TRAK1: variants seen among roughly 807,000 people sequenced by gnomAD.
TRAK1 encodes the protein trafficking kinesin-binding protein 1.
In TRAK1, 33 loss-of-function variants were observed where a neutral mutation model predicts 92.1. That is an observed-to-expected ratio of 0.36 (90% confidence interval 0.27 to 0.48). The LOEUF (loss-of-function observed/expected upper bound fraction) is 0.48. Among genes scored for constraint, TRAK1 ranks in the 20% least tolerant of loss-of-function variants. The probability of loss-of-function intolerance (pLI) is 0.99; values close to 1 mark genes in which losing one functional copy is unlikely to be tolerated. For synonymous variants in TRAK1, 521 were observed against 517.3 expected, an observed-to-expected ratio of 1.01 and a Z score of -0.10; for missense variants, 1,123 against 1,257.9, an observed-to-expected ratio of 0.89 and a Z score of 1.62.
chr3:42,211,048 G>T (rs1162751163), intron 14 of TRAK1: 3 of 985,156 alleles, frequency 3.0e-6, no homozygotes, highest in Non-Finnish European at 3.6e-6. Context: ...TGTGGAGTCA[G>T]GGGGGAGACT....
intron 3 of TRAK1, among the ~76,000 whole-genome samples, chr3:42,180,439 C>T (rs940511512): frequency 2.0e-5 from 3 of 151,992 alleles, no homozygotes; most frequent in African/African-American, 7.2e-5. Flanking sequence ...TTGAGACCAG[C>T]CTGGGTAGCA....
At position 42,185,073 on chromosome 3, in the gene TRAK1, G is replaced by A. The variant is rs571131442; in HGVS notation, c.480+272G>A. ...GGGCGGGCATGGTCCTCACTCAGTCGTACATCTGTGTGCCATGTTGGGCCA... is the reference window on the plus strand; with the variant it reads ...GGGCGGGCATGGTCCTCACTCAGTCATACATCTGTGTGCCATGTTGGGCCA... On this transcript the variant is annotated intron_variant, in intron 4 of 15. Coordinates refer to ENST00000327628, the MANE Select transcript of TRAK1 (RefSeq NM_001042646.3). 8.9e-4 allele frequency: 377 copies of A among 424,610 alleles called. 1 individual carries two copies. The highest frequency in any genetic ancestry group is 1.2e-3 in the Non-Finnish European group (279 of 233,832). The allele number at this position is 424,610 out of a possible 1,614,324, so 26.3% of individuals were successfully genotyped here.
At chr3:42,043,260 C>G (rs144613467) in intron 1 of TRAK1, among the ~76,000 whole-genome samples, 4 of 151,924 alleles carry the variant, frequency 2.6e-5, no homozygotes, top group Non-Finnish European at 5.9e-5. Flanking sequence ...TCACATTGCC[C>G]GTTCCCGTTC....
Position 42,200,893 on chromosome 3 carries a change from C to T in TRAK1, c.1266C>T (p.Pro422=). ...AGCAGAGATCTCTGACCCCTTCTCC[C>T]ATGAACATCCCCGGCTCCAACCAGT... ...VVKQRSLTPS[P]MNIPGSNQSS... is the part of the protein sequence containing the mutation. Residue 422 remains proline (P), a synonymous_variant, in exon 12 of 16, where the codon CCC becomes CCT. Coordinates refer to ENST00000327628, the MANE Select transcript of TRAK1 (RefSeq NM_001042646.3). 1 of 1,614,204 alleles carries T rather than the reference C, an allele frequency of 6.2e-7. No homozygotes were observed. The highest frequency in any genetic ancestry group is 8.5e-7 in the Non-Finnish European group (1 of 1,180,046).
At chr3:42,207,797 A>G (rs1351310516) in intron 13 of TRAK1, among the ~76,000 whole-genome samples, 1 of 152,198 alleles carries the variant, frequency 6.6e-6, no homozygotes, top group Non-Finnish European at 1.5e-5. Flanking sequence ...AAGTGGGTCC[A>G]CAGCTTCCTT....
intron 2 of TRAK1, among the ~76,000 whole-genome samples, chr3:42,170,475 G>T (rs1300218224): frequency 1.3e-5 from 2 of 152,184 alleles, no homozygotes; most frequent in Non-Finnish European, 2.9e-5. Flanking sequence ...AGCTGCTGCT[G>T]CTATCAAAAG....
chr3:42,175,778 G>A (rs538702582), intron 2 of TRAK1, among the ~76,000 whole-genome samples: 6 of 152,242 alleles, frequency 3.9e-5, no homozygotes, highest in Admixed American at 6.5e-5. Context: ...CAAATGTGTC[G>A]CATGGGCTGT....
intron 1 of TRAK1, among the ~76,000 whole-genome samples, chr3:42,028,689 G>A (rs1304305929): frequency 6.6e-6 from 1 of 152,160 alleles, no homozygotes; most frequent in Non-Finnish European, 1.5e-5. Flanking sequence ...GGGGACCCTG[G>A]GGATAGTGGA....
chr3:42,181,955 C>T (rs990441795), intron 3 of TRAK1, among the ~76,000 whole-genome samples: 1 of 143,802 alleles, frequency 7.0e-6, no homozygotes, highest in African/African-American at 2.6e-5. Context: ...AAATAAGGTA[C>T]CTTTTTTTTT....
At chr3:42,034,339 T>TGGA (rs1702252268) in intron 1 of TRAK1, among the ~76,000 whole-genome samples, 1 of 152,200 alleles carries the variant, frequency 6.6e-6, no homozygotes, top group Non-Finnish European at 1.5e-5. Context: ...TCACCCAGGC[T>TGGA]GGAGTGCAGT....
rs369048725 is a variant in TRAK1 at position 42,163,461 on chromosome 3, C to G, written c.287-13353C>G. ...GCGGGCGCCTGTAGTCCCAGCTACT[C>G]GGGAGGCTGAGGCAGGGAATTGCTT... On this transcript the variant is annotated intron_variant, in intron 2 of 15. Transcript: ENST00000327628. Among the ~76,000 whole-genome samples the G allele has an allele frequency of 9.2e-5, 14 of 151,760 alleles. No homozygotes were observed. The East Asian group carries it at 2.5e-3, about 27-fold the overall frequency.
chr3:42,171,853 A>G (rs1702599097), intron 2 of TRAK1, among the ~76,000 whole-genome samples: 1 of 152,158 alleles, frequency 6.6e-6, no homozygotes, highest in Non-Finnish European at 1.5e-5. Flanking sequence ...GGATGCTGGA[A>G]GATGGGTGCC....
chr3:42,043,589 C>T (rs1293028247), intron 1 of TRAK1, among the ~76,000 whole-genome samples: 1 of 150,486 alleles, frequency 6.6e-6, no homozygotes, highest in East Asian at 1.9e-4. Flanking sequence ...AGCTCCAGAC[C>T]CTGTGTCTTG....
intron 2 of TRAK1, among the ~76,000 whole-genome samples, chr3:42,147,560 T>C (rs1576619728): frequency 6.6e-6 from 1 of 152,346 alleles, no homozygotes; most frequent in East Asian, 1.9e-4. Context: ...ATGGTTTCTT[T>C]GTCTGCTTGT....
chr3:42,199,362 A>G (rs933702214), intron 11 of TRAK1, 109 bp downstream of exon 11: 18 of 1,046,586 alleles, frequency 1.7e-5, no homozygotes, highest in African/African-American at 1.6e-4. Flanking sequence ...GTGATTGACT[A>G]TTGTCCTTCC....
chr3:42,209,696 A>C, intron 13 of TRAK1, 71 bp from the exon 14 acceptor site: 2 of 1,475,450 alleles, frequency 1.4e-6, no homozygotes, highest in Non-Finnish European at 1.9e-6. Flanking sequence ...GTAAACAGCC[A>C]TTGTCTTGGA....
intron 1 of TRAK1, among the ~76,000 whole-genome samples, chr3:42,066,064 G>A (rs1390532800): frequency 2.0e-5 from 3 of 152,152 alleles, no homozygotes; most frequent in South Asian, 2.1e-4. Flanking sequence ...AGTGGCTCAC[G>A]CCTGTGATCC....
At chr3:42,015,171 C>T (rs1344559405) in intron 1 of TRAK1, among the ~76,000 whole-genome samples, 2 of 152,122 alleles carry the variant, frequency 1.3e-5, no homozygotes, top group Non-Finnish European at 2.9e-5. Flanking sequence ...CTCTGTCTCT[C>T]GGTTTGGAAT....
chr3:42,040,141 T>C (rs997559581), intron 1 of TRAK1, among the ~76,000 whole-genome samples: 2 of 152,214 alleles, frequency 1.3e-5, no homozygotes, highest in African/African-American at 2.4e-5. Flanking sequence ...ATGGATTGTC[T>C]TTCACTTTTT....
Sources: allele counts gnomAD v4.1 joint callset (sites outside exome capture counted in the v4.1 genomes callset), GRCh38; gene constraint gnomAD v4.1.1; transcripts MANE v1.5; gene names NCBI Gene and HGNC (gene_info 2026-07-23, HGNC 2026-07-21).